The following MORN5 variants were observed in gnomAD, a reference collection of about 807,000 sequenced individuals.
The protein encoded by MORN5 is MORN repeat-containing protein 5.
Under a neutral mutation model 22.1 loss-of-function variants are expected in MORN5, and 21 were observed. The ratio of observed to expected loss-of-function variants is 0.95; its 90% CI spans 0.67 to 1.37. MORN5 has a LOEUF of 1.37. MORN5 is among the 40% of genes most tolerant of loss of function. The probability of loss-of-function intolerance (pLI) is 0.00; values close to 1 mark genes in which losing one functional copy is unlikely to be tolerated. For synonymous variants in MORN5, 73 were observed against 74.0 expected (o/e 0.99, Z 0.07); for missense variants, 211 against 215.1 (o/e 0.98, Z 0.12).
chr9:122,175,908 A>G (rs989451848), intron 4 of MORN5, among the ~76,000 whole-genome samples: 6 of 151,716 alleles, frequency 4.0e-5, no homozygotes, highest in African/African-American at 7.3e-5. Flanking sequence ...AGGTCAGGAG[A>G]TCGAGACCAT....
chr9:122,160,636 A>T (rs1180910745), intron 1 of MORN5, among the ~76,000 whole-genome samples: 1 of 147,956 alleles, frequency 6.8e-6, no homozygotes, highest in Non-Finnish European at 1.5e-5. Context: ...TTATTTTCAG[A>T]CAAGATCTCG....
chr9:122,187,031 T>G (rs1829651897), intron 4 of MORN5, among the ~76,000 whole-genome samples: 1 of 152,210 alleles, frequency 6.6e-6, no homozygotes, highest in African/African-American at 2.4e-5. Context: ...TTCAGTTTCT[T>G]CACCTGAAAA....
chr9:122,184,739 T>A (rs1829587393), intron 4 of MORN5, among the ~76,000 whole-genome samples: 1 of 152,242 alleles, frequency 6.6e-6, no homozygotes, highest in Non-Finnish European at 1.5e-5. Flanking sequence ...TTATCCTTGT[T>A]ATTCCCACTT....
intron 4 of MORN5, among the ~76,000 whole-genome samples, chr9:122,189,799 G>A (rs2118780837): frequency 6.6e-6 from 1 of 152,054 alleles, no homozygotes; most frequent in South Asian, 2.1e-4. Context: ...GTAGAGACGG[G>A]GTTTCACCAT....
chr9:122,190,972 C>T (rs1356330228), intron 4 of MORN5, among the ~76,000 whole-genome samples: 1 of 152,242 alleles, frequency 6.6e-6, no homozygotes, highest in Non-Finnish European at 1.5e-5. Context: ...TGCAGTGCAC[C>T]CCCCATCCCA....
intron 1 of MORN5, among the ~76,000 whole-genome samples, chr9:122,163,571 A>C (rs1829232909): frequency 6.6e-6 from 1 of 152,236 alleles, no homozygotes; most frequent in Non-Finnish European, 1.5e-5. Flanking sequence ...AGAAGTTTTT[A>C]GGCAGAGGGA....
chr9:122,192,967 T>C (rs1829803956), intron 4 of MORN5, among the ~76,000 whole-genome samples: 1 of 152,204 alleles, frequency 6.6e-6, no homozygotes, highest in African/African-American at 2.4e-5. Context: ...ATACTTTAAG[T>C]GCTAGATCTG....
At chr9:122,181,340 C>T (rs781747591) in intron 4 of MORN5, among the ~76,000 whole-genome samples, 1 of 152,164 alleles carries the variant, frequency 6.6e-6, no homozygotes, top group Non-Finnish European at 1.5e-5. Context: ...ACTTCTCATG[C>T]ATCCAGTGAG....
At chr9:122,178,966 A>T (rs902698178) in intron 4 of MORN5, among the ~76,000 whole-genome samples, 11 of 152,226 alleles carry the variant, frequency 7.2e-5, no homozygotes, top group African/African-American at 2.7e-4. Context: ...AACACAGATC[A>T]TAACAGCATA....
At chr9:122,190,108 A>G (rs1293835309) in intron 4 of MORN5, among the ~76,000 whole-genome samples, 1 of 151,974 alleles carries the variant, frequency 6.6e-6, no homozygotes, top group African/African-American at 2.4e-5. Flanking sequence ...TGAGGATTGC[A>G]TGATGGCAGG....
At chr9:122,168,319 T>C (rs1379060721) in intron 2 of MORN5, among the ~76,000 whole-genome samples, 1 of 152,192 alleles carries the variant, frequency 6.6e-6, no homozygotes, top group Admixed American at 6.5e-5. Context: ...TACCCCCTGG[T>C]ATTTGTGAGT....
In MORN5 at chr9:122,167,834, G is replaced by A. The variant is rs578112251; in HGVS notation, c.195+919G>A. Reference sequence around the variant, plus strand: ...TGCATTCCATCCAGAGGCTCTACGGGAAAACCTGTTTCCTTGCCTTTTCCA... The same window carrying A: ...TGCATTCCATCCAGAGGCTCTACGGAAAAACCTGTTTCCTTGCCTTTTCCA... On this transcript the variant is annotated intron_variant, in intron 2 of 4. Coordinates refer to ENST00000373764, the MANE Select transcript of MORN5 (RefSeq NM_198469.4). 5.3e-5 allele frequency among the ~76,000 whole-genome samples: 8 copies of A among 152,226 alleles called. No homozygotes were observed. In the East Asian group the frequency reaches 1.5e-3, roughly 29 times the overall value.
chr9:122,167,334 G>T (rs1829301601), intron 2 of MORN5, among the ~76,000 whole-genome samples: 2 of 143,956 alleles, frequency 1.4e-5, no homozygotes, highest in Non-Finnish European at 3.0e-5. Context: ...GTGCGCAGGT[G>T]TGAGCCACCG....
chr9:122,166,416 G>C (rs1249302847), intron 1 of MORN5, among the ~76,000 whole-genome samples: 3 of 152,158 alleles, frequency 2.0e-5, no homozygotes, highest in Middle Eastern at 6.8e-3. Flanking sequence ...CACAGAACTA[G>C]CTGCCAGAAA....
chr9:122,175,837 G>C, intron 4 of MORN5: 1 of 456,484 alleles, frequency 2.2e-6, no homozygotes, highest in Non-Finnish European at 2.9e-6. Flanking sequence ...AGGAGAGGCC[G>C]GGCGCGGTGG....
intron 4 of MORN5, among the ~76,000 whole-genome samples, chr9:122,179,137 C>T (rs2118763939): frequency 6.6e-6 from 1 of 152,134 alleles, no homozygotes; most frequent in South Asian, 2.1e-4. Context: ...ACAGCATGTG[C>T]AAAAGGATTA....
At chr9:122,185,469 G>A (rs1221331912) in intron 4 of MORN5, among the ~76,000 whole-genome samples, 3 of 143,564 alleles carry the variant, frequency 2.1e-5, no homozygotes, top group Non-Finnish European at 4.5e-5. Context: ...CTCGTGATCT[G>A]CCCTCCTTGG....
chr9:122,168,505 A>G (rs1389450087), intron 2 of MORN5, among the ~76,000 whole-genome samples: 1 of 152,204 alleles, frequency 6.6e-6, no homozygotes, highest in Non-Finnish European at 1.5e-5. Context: ...TCCTTGTTTT[A>G]TAGCTTGGAG....
intron 4 of MORN5, among the ~76,000 whole-genome samples, chr9:122,187,812 G>A (rs1298864285): frequency 6.6e-6 from 1 of 152,196 alleles, no homozygotes; most frequent in East Asian, 1.9e-4. Flanking sequence ...GTGGTGCCAG[G>A]AGCTACATTC....
Sources: allele counts gnomAD v4.1 joint callset (sites outside exome capture counted in the v4.1 genomes callset), GRCh38; gene constraint gnomAD v4.1.1; transcripts MANE v1.5; gene names NCBI Gene and HGNC (gene_info 2026-07-23, HGNC 2026-07-21).